The following CRISPLD1 variants were observed in gnomAD, a reference collection of about 807,000 sequenced individuals.
The protein encoded by CRISPLD1 is cysteine-rich secretory protein LCCL domain-containing 1.
Under a neutral mutation model 77.5 loss-of-function variants are expected in CRISPLD1, and 60 were observed. The ratio of observed to expected loss-of-function variants is 0.77; its 90% CI spans 0.63 to 0.96. The LOEUF (loss-of-function observed/expected upper bound fraction) is 0.96. Among genes scored for constraint, CRISPLD1 ranks in the 40% least tolerant of loss-of-function variants. CRISPLD1 has a pLI of 0.00. For missense variants in CRISPLD1, 623 were observed against 615.8 expected (o/e 1.01, Z -0.12); for synonymous variants, 195 against 200.1 (o/e 0.97, Z 0.22).
chr8:75,004,095 A>G (rs931055865), intron 2 of CRISPLD1, among the ~76,000 whole-genome samples: 6 of 152,158 alleles, frequency 3.9e-5, no homozygotes, highest in African/African-American at 1.4e-4. Flanking sequence ...TTAGATTTTA[A>G]GTGAAACACT....
intron 2 of CRISPLD1, among the ~76,000 whole-genome samples, chr8:75,004,592 C>A (rs937138776): frequency 1.1e-4 from 16 of 152,064 alleles, no homozygotes; most frequent in Non-Finnish European, 2.1e-4. Context: ...GTTAGGATCA[C>A]GTTGACAACT....
chr8:74,985,325 G>T (rs1001991735), intron 1 of CRISPLD1, among the ~76,000 whole-genome samples: 45 of 152,146 alleles, frequency 3.0e-4, no homozygotes, highest in African/African-American at 1.0e-3. Flanking sequence ...ACTTACCCCA[G>T]GAACCCAAAC....
At chr8:75,002,453 C>T (rs1214693316) in intron 2 of CRISPLD1, among the ~76,000 whole-genome samples, 2 of 147,724 alleles carry the variant, frequency 1.4e-5, no homozygotes, top group Non-Finnish European at 3.0e-5. Context: ...TGTTTCTCAG[C>T]AGGAAACAAA....
intron 2 of CRISPLD1, among the ~76,000 whole-genome samples, chr8:74,990,110 G>C (rs981418081): frequency 1.3e-5 from 2 of 152,086 alleles, no homozygotes; most frequent in Non-Finnish European, 2.9e-5. Flanking sequence ...AAGGTGGGAA[G>C]GGTGGCAAGA....
At chr8:75,016,257 G>T (rs1813025028) in intron 6 of CRISPLD1, among the ~76,000 whole-genome samples, 4 of 152,112 alleles carry the variant, frequency 2.6e-5, no homozygotes, top group African/African-American at 9.7e-5. Flanking sequence ...TCACTGTGTA[G>T]ATTTCATGGT....
Position 74,985,937 on chromosome 8 carries a change from G to A in CRISPLD1, c.-51G>A. ...ACATGTCGTTATAGCCAAAAGGAGTGGAAGAGCCTGTCTTGGAGATTTTCC... is the reference window on the plus strand; with the variant it reads ...ACATGTCGTTATAGCCAAAAGGAGTAGAAGAGCCTGTCTTGGAGATTTTCC... On this transcript the variant is annotated 5_prime_UTR_variant, in exon 2 of 15. Transcript: ENST00000262207. 3.2e-6 allele frequency: 5 copies of A among 1,569,958 alleles called. No individual in the cohort carries two copies. Among genetic ancestry groups the A allele is most frequent in the Non-Finnish European group, 4.3e-6 (5 of 1,154,630 alleles).
intron 12 of CRISPLD1, among the ~76,000 whole-genome samples, chr8:75,021,730 C>G (rs901047285): frequency 3.3e-5 from 5 of 151,982 alleles, no homozygotes; most frequent in Non-Finnish European, 7.4e-5. Flanking sequence ...CTCAAGACCC[C>G]TACACTTACA....
intron 2 of CRISPLD1, among the ~76,000 whole-genome samples, chr8:74,998,577 A>G (rs1812681226): frequency 6.7e-6 from 1 of 149,242 alleles, no homozygotes; most frequent in African/African-American, 2.5e-5. Context: ...AGTCTCAGCT[A>G]CTGGGAAGGC....
chr8:75,030,814 GTGTA>G (rs949694707), intron 14 of CRISPLD1, among the ~76,000 whole-genome samples: 28 of 151,364 alleles, frequency 1.8e-4, no homozygotes, highest in East Asian at 3.9e-4. Flanking sequence ...ATATGTGTAT[GTGTA>G]TGTATATATG....
intron 2 of CRISPLD1, among the ~76,000 whole-genome samples, chr8:75,008,005 T>C (rs1188043896): frequency 6.6e-6 from 1 of 152,086 alleles, no homozygotes; most frequent in East Asian, 1.9e-4. Context: ...AAGTTATCTG[T>C]CAAAAAGTTT....
In CRISPLD1 at chr8:74,986,145, G is replaced by A; in HGVS notation, c.158G>A (p.Gly53Glu). ...GAGTGGTGGATAGCCAAACAACGAG[G>A]GAAAAGGGCCATCACAGACAATGAC... ...DGEWWIAKQR[G>E]KRAITDNDMQ... The change falls in exon 2 of 15, where the codon GGG (glycine) becomes GAG (glutamate). Residue 53 changes from glycine (G) to glutamate (E), a missense_variant. Physicochemically the swap from Gly to Glu is moderately conservative, Grantham distance 98. Transcript: ENST00000262207. 3.1e-6 allele frequency: 5 copies of A among 1,614,086 alleles called. No homozygotes were observed. The highest frequency in any genetic ancestry group is 2.2e-5 in the South Asian group (2 of 91,072).
rs181410425 is a variant in CRISPLD1 at position 75,022,312 on chromosome 8, C to T, written c.1244+2233C>T. Among the ~76,000 whole-genome samples the T allele has an allele frequency of 4.7e-3, 718 of 151,870 alleles. 4 individuals are homozygous for T. Among genetic ancestry groups the T allele is most frequent in the African/African-American group, 0.016 (647 of 41,458 alleles). On this transcript the variant is annotated intron_variant, in intron 12 of 14. Coordinates refer to ENST00000262207, the MANE Select transcript of CRISPLD1 (RefSeq NM_031461.6). ...AAAATTTGTAATAGTTTTGGCCAGG[C>T]GTGGTGGCTCACGCCTGTAATCCCA...
chr8:74,986,279 A>T, intron 2 of CRISPLD1, 34 bp downstream of exon 2: 1 of 1,588,002 alleles, frequency 6.3e-7, no homozygotes. Context: ...TGTACAAAAG[A>T]AATGTTTATT....
chr8:75,013,880 A>T, intron 4 of CRISPLD1, 107 bp from the exon 5 acceptor site: 1 of 723,478 alleles, frequency 1.4e-6, no homozygotes, highest in South Asian at 1.7e-5. Flanking sequence ...ATTTTGAATG[A>T]TAAACGTTGG....
In CRISPLD1 at chr8:75,025,667, T is replaced by C. The variant is rs368976058; in HGVS notation, c.1320+46T>C. 10 of 984,942 alleles carry C rather than the reference T, an allele frequency of 1.0e-5. No individual in the cohort carries two copies. The African/African-American group carries it at 1.6e-4, about 16-fold the overall frequency. The allele number at this position is 984,942 out of a possible 1,614,324, so 61.0% of individuals were successfully genotyped here. On this transcript the variant is annotated intron_variant, in intron 13 of 14. Transcript: ENST00000262207. Reference sequence around the variant, plus strand: ...AGCTGTCAACATTCATGTATATATATAAATGTATAGACACATTTAAATGTG... The same window carrying C: ...AGCTGTCAACATTCATGTATATATACAAATGTATAGACACATTTAAATGTG...
At chr8:74,995,764 A>T (rs1030153162) in intron 2 of CRISPLD1, among the ~76,000 whole-genome samples, 7 of 152,078 alleles carry the variant, frequency 4.6e-5, no homozygotes, top group South Asian at 2.1e-4. Context: ...TCTTTGCATA[A>T]TTTTTTTGCA....
At chr8:75,023,788 G>A (rs1352517789) in intron 12 of CRISPLD1, among the ~76,000 whole-genome samples, 1 of 126,756 alleles carries the variant, frequency 7.9e-6, no homozygotes, top group Non-Finnish European at 1.6e-5. Flanking sequence ...TTAGTGATGA[G>A]TGCGTGTGTG....
rs149414263 is a variant in CRISPLD1, at chr8:75,012,548, G to A, written c.374G>A (p.Gly125Glu). The A allele has an allele frequency of 2.1e-5, 33 of 1,585,860 alleles. No individual in the cohort carries two copies. The highest frequency in any genetic ancestry group is 2.8e-5 in the Non-Finnish European group (32 of 1,154,706). The change falls in exon 3 of 15, where the codon GGA (glycine) becomes GAA (glutamate). Residue 125 changes from glycine (G) to glutamate (E), a missense_variant. Gly to Glu is a moderately conservative substitution (Grantham distance 98). Coordinates refer to ENST00000262207, the MANE Select transcript of CRISPLD1 (RefSeq NM_031461.6). The stretch of plus-strand genomic sequence containing the variant: ...GGACAGAATTTGGGAGCACACTGGG[G>A]AAGGTATCTTAAAGCACAACTTTTT... ...SIGQNLGAHW[G>E]RYRPPTFHVQ...
In CRISPLD1 at chr8:75,034,475, TTAAA is replaced by T. The variant is rs1354697273; in HGVS notation, c.*2239_*2242del. On this transcript the variant is annotated 3_prime_UTR_variant, in exon 15 of 15. Coordinates refer to ENST00000262207, the MANE Select transcript of CRISPLD1 (RefSeq NM_031461.6). Reference sequence around the variant, plus strand: ...TCATATACTATTGATCCTTTGGCACTTAAATAAATGTGAAATCCTCCAGGAATTT... The same window carrying T: ...TCATATACTATTGATCCTTTGGCACTTAAATGTGAAATCCTCCAGGAATTT... The T allele has an allele frequency of 6.6e-6, 1 of 152,120 alleles. No individual in the cohort carries two copies. Among genetic ancestry groups the T allele is most frequent in the Non-Finnish European group, 1.5e-5 (1 of 67,954 alleles). 9.4% of individuals were successfully genotyped at this position (152,120 alleles called of 1,614,324 possible).
Sources: gnomAD v4.1 joint callset for allele counts (sites outside exome capture counted in the v4.1 genomes callset) on GRCh38, gnomAD v4.1.1 for gene constraint, MANE v1.5 for transcripts, NCBI Gene and HGNC (gene_info 2026-07-23, HGNC 2026-07-21) for gene names.